Variants in NRXN1 observed in about 807,000 individuals in gnomAD.
NRXN1 encodes neurexin-1.
Under a neutral mutation model 150.9 loss-of-function variants are expected in NRXN1, and 39 were observed. The ratio of observed to expected loss-of-function variants is 0.26; its 90% CI spans 0.20 to 0.34. The LOEUF is 0.34. NRXN1 is among the 10% of genes least tolerant of loss of function. The pLI, the probability that NRXN1 is intolerant of heterozygous loss-of-function variation, is 1.00. For missense variants in NRXN1, 1,815 were observed against 1,949.9 expected (o/e 0.93, Z 1.30); for synonymous variants, 924 against 757.0 (o/e 1.22, Z -3.62).
chr2:50,501,974 T>A (rs972073028), intron 13 of NRXN1, among the ~76,000 whole-genome samples: 7 of 152,318 alleles, frequency 4.6e-5, no homozygotes, highest in Non-Finnish European at 8.8e-5. Context: ...ATTCTTCTCA[T>A]TCAGTGATTT....
chr2:50,102,878 T>C (rs570054819), intron 18 of NRXN1, among the ~76,000 whole-genome samples: 4 of 152,202 alleles, frequency 2.6e-5, no homozygotes, highest in African/African-American at 9.6e-5. Context: ...TATGTGAACA[T>C]GTACAGGTAT....
intron 19 of NRXN1, among the ~76,000 whole-genome samples, chr2:50,059,660 GT>G (rs1694195881): frequency 6.6e-6 from 1 of 152,160 alleles, no homozygotes; most frequent in African/African-American, 2.4e-5. Flanking sequence ...AGGAAAAAAT[GT>G]TTTTGTGGGC....
intron 17 of NRXN1, among the ~76,000 whole-genome samples, chr2:50,383,297 G>A (rs534256828): frequency 1.1e-4 from 17 of 152,072 alleles, no homozygotes; most frequent in Non-Finnish European, 1.9e-4. Context: ...GGTATCACGC[G>A]GCCTGTTTTC....
intron 17 of NRXN1, among the ~76,000 whole-genome samples, chr2:50,384,176 A>T (rs888900360): frequency 3.9e-5 from 6 of 152,158 alleles, no homozygotes; most frequent in Admixed American, 3.9e-4. Flanking sequence ...ATGTTTTCCT[A>T]TCTATTGACA....
At chr2:50,139,667 G>T (rs955969956) in intron 18 of NRXN1, among the ~76,000 whole-genome samples, 1 of 152,084 alleles carries the variant, frequency 6.6e-6, no homozygotes, top group Non-Finnish European at 1.5e-5. Flanking sequence ...CATATATTTG[G>T]CTTGGGGTAA....
chr2:50,431,566 A>C (rs534181630), intron 17 of NRXN1, among the ~76,000 whole-genome samples: 1 of 152,198 alleles, frequency 6.6e-6, no homozygotes, highest in Middle Eastern at 3.2e-3. Context: ...TTTTAAATTT[A>C]AAAGTATTTC....
At chr2:50,616,086 T>C (rs1679010648) in intron 8 of NRXN1, 1 of 152,154 alleles carries the variant, frequency 6.6e-6, no homozygotes, top group Non-Finnish European at 1.5e-5. Context: ...TTTCTTTAAC[T>C]CTTTTTTTTC....
intron 17 of NRXN1, among the ~76,000 whole-genome samples, chr2:50,338,067 G>A (rs1481424095): frequency 6.6e-6 from 1 of 152,158 alleles, no homozygotes; most frequent in East Asian, 1.9e-4. Flanking sequence ...CTAGTCCCAA[G>A]AAAAAGAATG....
At chr2:50,504,343 T>A (rs1573297064) in intron 13 of NRXN1, among the ~76,000 whole-genome samples, 1 of 152,042 alleles carries the variant, frequency 6.6e-6, no homozygotes, top group East Asian at 1.9e-4. Flanking sequence ...TTCCCATTTT[T>A]AAAAAATACA....
Position 50,854,576 on chromosome 2 carries a change from A to T in NRXN1, c.832+67293T>A, listed in dbSNP as rs187129569. ...AGAACAGACTGGTTATTTCCAAGAT[A>T]TCTCATGAAAAACTTATTATAGTTC... On this transcript the variant is annotated intron_variant, in intron 5 of 22. Coordinates refer to ENST00000401669, the MANE Select transcript of NRXN1 (RefSeq NM_001330078.2). Among the ~76,000 whole-genome samples, 6 of 152,210 alleles carry T rather than the reference A, an allele frequency of 3.9e-5. No individual in the cohort carries two copies. The East Asian group carries it at 1.2e-3, about 29-fold the overall frequency.
chr2:50,281,177 G>T (rs112067664), intron 17 of NRXN1, among the ~76,000 whole-genome samples: 9,433 of 150,708 alleles, frequency 0.063, 427 homozygotes, highest in Middle Eastern at 0.13. Context: ...AATTAGCTGG[G>T]CATGGTGGCG....
chr2:50,428,793 T>C (rs1260651646), intron 17 of NRXN1, among the ~76,000 whole-genome samples: 1 of 152,226 alleles, frequency 6.6e-6, no homozygotes, highest in Non-Finnish European at 1.5e-5. Context: ...TTTTCTCATT[T>C]AATGTGCACA....
chr2:50,901,866 G>C (rs763737500), intron 5 of NRXN1, among the ~76,000 whole-genome samples: 22 of 152,156 alleles, frequency 1.4e-4, no homozygotes, highest in Non-Finnish European at 2.4e-4. Flanking sequence ...CTTTCAAAAT[G>C]TTTAAAAATG....
At chr2:50,789,006 G>C (rs1484437641) in intron 5 of NRXN1, among the ~76,000 whole-genome samples, 1 of 152,086 alleles carries the variant, frequency 6.6e-6, no homozygotes. Context: ...AAATGGATTG[G>C]GGGAGAAAAG....
chr2:51,013,449 G>C (rs1466977328), intron 2 of NRXN1, among the ~76,000 whole-genome samples: 1 of 150,860 alleles, frequency 6.6e-6, no homozygotes, highest in Admixed American at 6.6e-5. Context: ...TCTTGAAATA[G>C]AGTTGTTTTT....
At chr2:50,595,837 AAGG>A (rs1362046302) in intron 8 of NRXN1, among the ~76,000 whole-genome samples, 5 of 152,232 alleles carry the variant, frequency 3.3e-5, no homozygotes, top group Non-Finnish European at 5.9e-5. Context: ...CTGCTGTAGC[AAGG>A]AGAAGTGAGA....
At chr2:50,416,835 C>T (rs979713925) in intron 17 of NRXN1, among the ~76,000 whole-genome samples, 3 of 152,126 alleles carry the variant, frequency 2.0e-5, no homozygotes, top group Non-Finnish European at 4.4e-5. Flanking sequence ...AGGTCCCTTC[C>T]ACGACCCTTG....
rs1450515630 is a variant in NRXN1, at chr2:50,465,494, G to A, written c.3312C>T (p.Gly1104=). The change falls in exon 17 of 23, where the codon GGC becomes GGT. Residue 1104 remains glycine (G), a synonymous_variant. Transcript: ENST00000401669. ...NQGVCLQQWD[G]FSCDCSMTSF... is the part of the protein sequence containing the mutation. ...AAGTCATACTACAGTCACAGCTGAA[G>A]CCATCCCATTGTTGCAAGCACACAC... is the stretch of plus-strand genomic sequence containing the variant. 6.2e-7 allele frequency: 1 copy of A among 1,610,924 alleles called. No individual in the cohort carries two copies. The highest frequency in any genetic ancestry group is 8.5e-7 in the Non-Finnish European group (1 of 1,178,162).
intron 5 of NRXN1, among the ~76,000 whole-genome samples, chr2:50,759,144 T>G (rs1701499651): frequency 6.6e-6 from 1 of 151,978 alleles, no homozygotes; most frequent in African/African-American, 2.4e-5. Context: ...TTGTAATAAA[T>G]AAATCACCTT....
Sources: gnomAD v4.1 joint callset for allele counts (sites outside exome capture counted in the v4.1 genomes callset) on GRCh38, gnomAD v4.1.1 for gene constraint, MANE v1.5 for transcripts, NCBI Gene and HGNC (gene_info 2026-07-23, HGNC 2026-07-21) for gene names.